Variants in TRMT11 observed in about 807,000 individuals in gnomAD.
The protein encoded by TRMT11 is tRNA methyltransferase 11.
Under a neutral mutation model 62.8 loss-of-function variants are expected in TRMT11, and 53 were observed. That is an observed-to-expected ratio of 0.84 (90% confidence interval 0.68 to 1.06). The LOEUF is 1.06. Ranked by LOEUF, TRMT11 falls within the 50% of genes least tolerant of loss-of-function variation. The probability of loss-of-function intolerance (pLI) is 0.00; values close to 1 mark genes in which losing one functional copy is unlikely to be tolerated. For missense variants in TRMT11, 556 were observed against 553.4 expected, an observed-to-expected ratio of 1.00 and a Z score of -0.05; for synonymous variants, 188 against 190.3, an observed-to-expected ratio of 0.99 and a Z score of 0.10.
chr6:126,040,687 C>A (rs1373405830), downstream of TRMT11, among the ~76,000 whole-genome samples: 1 of 152,030 alleles, frequency 6.6e-6, no homozygotes, highest in African/African-American at 2.4e-5. Flanking sequence ...ACAGTATAAT[C>A]TGTGAAGGAA....
chr6:126,228,292 A>G, the TRMT11 span, among the ~76,000 whole-genome samples: 49 of 152,368 alleles, frequency 3.2e-4, no homozygotes, highest in African/African-American at 1.2e-3. Context: ...TAGTGGCCAT[A>G]GAAGTCCAGT....
intron 12 of TRMT11, among the ~76,000 whole-genome samples, chr6:126,031,159 A>G (rs1232403945): frequency 6.6e-6 from 1 of 152,196 alleles, no homozygotes; most frequent in Non-Finnish European, 1.5e-5. Context: ...TGCTGAGTAA[A>G]TAAGCAGATA....
chr6:126,227,652 A>G, the TRMT11 span, among the ~76,000 whole-genome samples: 23 of 152,368 alleles, frequency 1.5e-4, no homozygotes, highest in African/African-American at 4.6e-4. Flanking sequence ...CTAGATGTTT[A>G]CAATGTGCTT....
Position 126,013,105 on chromosome 6 carries a change from T to C in TRMT11, c.1139+4T>C, listed in dbSNP as rs1304161488. On this transcript the variant is annotated splice_donor_region_variant and intron_variant, in intron 11 of 12. Coordinates refer to ENST00000334379, the MANE Select transcript of TRMT11 (RefSeq NM_001031712.3). ...GGTTACCGGTGTATACGCCAGAGTA[T>C]GTAATCTTAATTTTATTTTTAATTT... 1 of 1,597,142 alleles carries C rather than the reference T, an allele frequency of 6.3e-7. No individual in the cohort carries two copies. The highest frequency in any genetic ancestry group is 2.2e-5 in the East Asian group (1 of 44,766).
At chr6:126,256,107 C>T in the TRMT11 span, among the ~76,000 whole-genome samples, 1 of 152,176 alleles carries the variant, frequency 6.6e-6, no homozygotes, top group Non-Finnish European at 1.5e-5. Flanking sequence ...GACCTACAGG[C>T]TGGTGCTGGC....
chr6:126,094,437 G>A (rs1048785456), intron 17 of TRMT11, among the ~76,000 whole-genome samples: 3 of 152,136 alleles, frequency 2.0e-5, no homozygotes, highest in Admixed American at 1.3e-4. Context: ...GTTGACACAG[G>A]CTTAAGGAGC....
chr6:126,115,336 C>T (rs1335566939), intron 19 of TRMT11, among the ~76,000 whole-genome samples: 2 of 152,062 alleles, frequency 1.3e-5, no homozygotes, highest in Non-Finnish European at 2.9e-5. Context: ...TAATATTTCC[C>T]ATGTCCAGGT....
rs1432364255 is a variant in TRMT11 at position 126,038,741 on chromosome 6, TTTCTGCCATACCAAGGTCATAA to T, written c.1301_1322del (p.Leu434ProfsTer10). On this transcript the variant is annotated frameshift_variant, in exon 13 of 13. Coordinates refer to ENST00000334379, the MANE Select transcript of TRMT11 (RefSeq NM_001031712.3). LOFTEE classifies it high-confidence loss of function. The stretch of plus-strand genomic sequence containing the variant: ...GTATTCACATCTGCTAAGTGATCAT[TTTCTGCCATACCAAGGTCATAA>T]TTCCTTCCGTGAGAAATATTTTAGT... 1 of 1,599,416 alleles carries T rather than the reference TTTCTGCCATACCAAGGTCATAA, an allele frequency of 6.3e-7. No individual in the cohort carries two copies. The highest frequency in any genetic ancestry group is 1.4e-5 in the African/African-American group (1 of 73,848).
At chr6:126,028,670 T>C (rs1168699970) in intron 12 of TRMT11, among the ~76,000 whole-genome samples, 1 of 152,134 alleles carries the variant, frequency 6.6e-6, no homozygotes, top group South Asian at 2.1e-4. Flanking sequence ...CTTAGGCAAA[T>C]AAAATGATTT....
chr6:126,004,755 G>A (rs190015252), intron 7 of TRMT11, among the ~76,000 whole-genome samples: 2 of 152,136 alleles, frequency 1.3e-5, no homozygotes, highest in Admixed American at 1.3e-4. Context: ...TTTCCCAAAT[G>A]TATTGCTCAC....
intron 11 of TRMT11, among the ~76,000 whole-genome samples, chr6:126,014,866 A>T (rs988529834): frequency 6.6e-6 from 1 of 152,036 alleles, no homozygotes; most frequent in Non-Finnish European, 1.5e-5. Flanking sequence ...CCAGCTAGCT[A>T]ATTTGTTTCC....
chr6:126,230,794 G>C, the TRMT11 span, among the ~76,000 whole-genome samples: 46 of 152,094 alleles, frequency 3.0e-4, 1 homozygote, highest in East Asian at 8.3e-3. Flanking sequence ...AAATGTTTCT[G>C]ATTTGAGAAA....
chr6:126,155,473 T>C (rs1360145722), intron 21 of TRMT11, among the ~76,000 whole-genome samples: 3 of 152,144 alleles, frequency 2.0e-5, no homozygotes, highest in African/African-American at 7.2e-5. Context: ...CACTGCAAAA[T>C]AAAATCATCC....
chr6:126,255,506 A>T, the TRMT11 span, among the ~76,000 whole-genome samples: 10 of 152,358 alleles, frequency 6.6e-5, no homozygotes, highest in East Asian at 1.9e-3. Context: ...CAGGAAAAAA[A>T]TAACCAATTT....
intron 11 of TRMT11, among the ~76,000 whole-genome samples, chr6:126,013,799 A>C (rs1794613019): frequency 2.0e-5 from 3 of 152,318 alleles, no homozygotes; most frequent in Admixed American, 1.3e-4. Flanking sequence ...CCTTTATAGA[A>C]AAAGTTTTGC....
chr6:126,039,561 A>G (rs1027331873), downstream of TRMT11, among the ~76,000 whole-genome samples: 1 of 152,094 alleles, frequency 6.6e-6, no homozygotes, highest in Non-Finnish European at 1.5e-5. Context: ...TAACAGCAAC[A>G]CAAATGCTTG....
At chr6:126,038,295 C>T (rs1775545673) in intron 12 of TRMT11, among the ~76,000 whole-genome samples, 1 of 151,954 alleles carries the variant, frequency 6.6e-6, no homozygotes. Flanking sequence ...TGTTGGTTCA[C>T]ATGTTTTTCT....
chr6:126,257,383 C>A, the TRMT11 span, among the ~76,000 whole-genome samples: 1 of 152,018 alleles, frequency 6.6e-6, no homozygotes, highest in Non-Finnish European at 1.5e-5. Context: ...TTTAAATGTG[C>A]TCCTGGATTC....
At chr6:126,254,648 G>GT in the TRMT11 span, among the ~76,000 whole-genome samples, 600 of 152,100 alleles carry the variant, frequency 3.9e-3, 9 homozygotes, top group Admixed American at 0.029. Flanking sequence ...CAAGGTGAGA[G>GT]TTTTTTTTCT....
Sources: gnomAD v4.1 joint callset for allele counts (sites outside exome capture counted in the v4.1 genomes callset) on GRCh38, gnomAD v4.1.1 for gene constraint, MANE v1.5 for transcripts, NCBI Gene and HGNC (gene_info 2026-07-23, HGNC 2026-07-21) for gene names.